Variants in MYO5B observed in about 807,000 individuals in gnomAD.
The protein encoded by MYO5B is unconventional myosin-Vb.
MYO5B carries 143 observed loss-of-function variants against 229.3 expected under a neutral mutation model. The observed-to-expected ratio is 0.62, with a 90% CI of 0.54 to 0.72. The LOEUF is 0.72. Among genes scored for constraint, MYO5B ranks in the 30% least tolerant of loss-of-function variants. The pLI is 0.00. For synonymous variants in MYO5B, 918 were observed against 885.2 expected (o/e 1.04, Z -0.66); for missense variants, 2,321 against 2,331.0 (o/e 1.00, Z 0.09).
chr18:49,877,742 C>A, intron 25 of MYO5B, 21 bp downstream of exon 25: 1 of 1,613,622 alleles, frequency 6.2e-7, no homozygotes, highest in Non-Finnish European at 8.5e-7. Context: ...AGGACAGTAC[C>A]CAAGAGCCTG....
chr18:50,165,001 T>C (rs186207530), intron 1 of MYO5B, among the ~76,000 whole-genome samples: 3 of 152,340 alleles, frequency 2.0e-5, no homozygotes, highest in Non-Finnish European at 4.4e-5. Context: ...TCGCAGCTTA[T>C]TTGGTATCTG....
At chr18:50,030,369 G>C (rs1167829394) in intron 4 of MYO5B, among the ~76,000 whole-genome samples, 3 of 147,106 alleles carry the variant, frequency 2.0e-5, no homozygotes, top group African/African-American at 4.9e-5. Context: ...GGTTGTCCCG[G>C]CAACAGAGGA....
intron 2 of MYO5B, among the ~76,000 whole-genome samples, chr18:50,051,124 C>T (rs2030380349): frequency 6.6e-6 from 1 of 152,158 alleles, no homozygotes; most frequent in African/African-American, 2.4e-5. Flanking sequence ...AGAATTGCAA[C>T]TATCTTTATT....
intron 21 of MYO5B, among the ~76,000 whole-genome samples, chr18:49,901,706 G>C (rs1347524682): frequency 6.6e-6 from 1 of 152,218 alleles, no homozygotes; most frequent in Non-Finnish European, 1.5e-5. Context: ...CTTTCCAAAA[G>C]AGGCAGACAG....
At chr18:49,946,672 G>C (rs893002730) in intron 14 of MYO5B, among the ~76,000 whole-genome samples, 4 of 780 alleles carry the variant, frequency 5.1e-3, no homozygotes, top group African/African-American at 5.4e-3. Context: ...CTATAATCTG[G>C]AATCAACATA....
chr18:50,163,036 G>A (rs536662022), intron 1 of MYO5B, among the ~76,000 whole-genome samples: 8 of 152,282 alleles, frequency 5.3e-5, no homozygotes, highest in African/African-American at 1.9e-4. Flanking sequence ...TCATGCAACT[G>A]TAGCTAATAA....
At chr18:50,042,794 C>T (rs1172428220) in intron 2 of MYO5B, among the ~76,000 whole-genome samples, 1 of 152,154 alleles carries the variant, frequency 6.6e-6, no homozygotes, top group African/African-American at 2.4e-5. Flanking sequence ...GCACCCAGCT[C>T]AGAAGGCAGC....
chr18:50,194,746 C>T, intron 1 of MYO5B, 21 bp downstream of exon 1: 1 of 1,473,312 alleles, frequency 6.8e-7, no homozygotes, highest in East Asian at 2.9e-5. Flanking sequence ...CCCGGGGCGC[C>T]TCCCTCGCGG....
intron 17 of MYO5B, among the ~76,000 whole-genome samples, chr18:49,926,867 G>A (rs1012140172): frequency 2.6e-5 from 4 of 152,116 alleles, no homozygotes; most frequent in Non-Finnish European, 4.4e-5. Flanking sequence ...TTTGACACAC[G>A]CTTCAACATG....
intron 1 of MYO5B, among the ~76,000 whole-genome samples, chr18:50,068,609 C>T (rs1275848406): frequency 2.6e-5 from 4 of 152,184 alleles, no homozygotes. Context: ...TGGACACAGA[C>T]CACGTCACAT....
intron 21 of MYO5B, among the ~76,000 whole-genome samples, chr18:49,900,228 A>T (rs964678756): frequency 2.6e-5 from 4 of 152,232 alleles, no homozygotes; most frequent in African/African-American, 9.6e-5. Context: ...AGCCACTGCC[A>T]CCTTGGCATG....
intron 1 of MYO5B, among the ~76,000 whole-genome samples, chr18:50,073,190 C>A (rs890616568): frequency 6.6e-6 from 1 of 152,194 alleles, no homozygotes; most frequent in East Asian, 1.9e-4. Flanking sequence ...GTACCTACTA[C>A]TGAAGCTGGG....
chr18:49,886,048 T>C (rs1394675765), intron 22 of MYO5B, among the ~76,000 whole-genome samples: 3 of 152,092 alleles, frequency 2.0e-5, no homozygotes, highest in African/African-American at 7.2e-5. Context: ...CTGGTGATCC[T>C]CCCACCTCAG....
chr18:49,956,081 C>G (rs1360324563), intron 12 of MYO5B, among the ~76,000 whole-genome samples: 1 of 151,480 alleles, frequency 6.6e-6, no homozygotes, highest in African/African-American at 2.4e-5. Flanking sequence ...GCAGAGGAAA[C>G]CAACAACCAA....
intron 19 of MYO5B, among the ~76,000 whole-genome samples, chr18:49,905,218 G>A (rs1392748787): frequency 6.6e-6 from 1 of 152,174 alleles, no homozygotes; most frequent in African/African-American, 2.4e-5. Flanking sequence ...CCCCAGGCTT[G>A]GAGATCCCAG....
intron 1 of MYO5B, among the ~76,000 whole-genome samples, chr18:50,157,747 T>C (rs2032703838): frequency 6.6e-6 from 1 of 152,222 alleles, no homozygotes; most frequent in Non-Finnish European, 1.5e-5. Flanking sequence ...ACTGATGCTC[T>C]TAACATTTAC....
At chr18:50,154,504 C>G (rs895606476) in intron 1 of MYO5B, among the ~76,000 whole-genome samples, 6 of 152,194 alleles carry the variant, frequency 3.9e-5, no homozygotes, top group Admixed American at 6.5e-5. Flanking sequence ...GTAGTAATGT[C>G]AAGATGGAAT....
chr18:49,877,713 C>A lies in MYO5B; in HGVS notation c.3396+50G>T, dbSNP rs1049050389. 3.1e-6 allele frequency: 5 copies of A among 1,611,896 alleles called. No individual in the cohort carries two copies. In the South Asian group the frequency reaches 4.4e-5, roughly 14 times the overall value. ...TTGGACAGTTCCACACAGAAAAAAA[C>A]ACACACTCCCTCTGGAGGAGGACAG... is the stretch of plus-strand genomic sequence containing the variant. On this transcript the variant is annotated intron_variant, in intron 25 of 39. Coordinates refer to ENST00000285039, the MANE Select transcript of MYO5B (RefSeq NM_001080467.3).
intron 39 of MYO5B, among the ~76,000 whole-genome samples, chr18:49,832,463 G>T (rs1377907871): frequency 6.6e-6 from 1 of 152,122 alleles, no homozygotes; most frequent in Non-Finnish European, 1.5e-5. Flanking sequence ...TTGCCAAAAA[G>T]GAAAATCAAT....
Sources: gnomAD v4.1 joint callset for allele counts (sites outside exome capture counted in the v4.1 genomes callset) on GRCh38, gnomAD v4.1.1 for gene constraint, MANE v1.5 for transcripts, NCBI Gene and HGNC (gene_info 2026-07-23, HGNC 2026-07-21) for gene names.